The following FHOD3 variants were observed in gnomAD, a reference collection of about 807,000 sequenced individuals.
FHOD3 encodes the protein formin homology 2 domain containing 3.
Under a neutral mutation model 173.0 loss-of-function variants are expected in FHOD3, and 90 were observed. The ratio of observed to expected loss-of-function variants is 0.52; its 90% CI spans 0.44 to 0.62. FHOD3 has a LOEUF of 0.62. Among genes scored for constraint, FHOD3 ranks in the 20% least tolerant of loss-of-function variants. The pLI, the probability that FHOD3 is intolerant of heterozygous loss-of-function variation, is 0.00. For missense variants in FHOD3, 1,945 were observed against 2,034.7 expected (o/e 0.96, Z 0.85); for synonymous variants, 828 against 823.0 (o/e 1.01, Z -0.10).
intron 20 of FHOD3, among the ~76,000 whole-genome samples, chr18:36,735,823 C>G (rs2041602054): frequency 6.6e-6 from 1 of 152,190 alleles, no homozygotes; most frequent in South Asian, 2.1e-4. Context: ...CTGTTTAAAA[C>G]TCACAGGGCA....
intron 28 of FHOD3, among the ~76,000 whole-genome samples, chr18:36,772,831 G>A (rs1363541764): frequency 1.3e-5 from 2 of 152,188 alleles, no homozygotes; most frequent in African/African-American, 4.8e-5. Context: ...CTTACTTCGG[G>A]TGCCCACCCT....
At chr18:36,318,444 C>A (rs9945195) in intron 1 of FHOD3, among the ~76,000 whole-genome samples, 4,508 of 152,220 alleles carry the variant, frequency 0.03, 222 homozygotes, top group African/African-American at 0.1. Context: ...TCCTTCACAT[C>A]CCTTGTAAGT....
At position 36,678,807 on chromosome 18, in the gene FHOD3, TG is replaced by T. The variant is rs2038045005; in HGVS notation, c.1836-2626del. Among the ~76,000 whole-genome samples the T allele has an allele frequency of 2.0e-5, 3 of 152,300 alleles. No homozygotes were observed. The South Asian group carries it at 6.2e-4, about 32-fold the overall frequency. On this transcript the variant is annotated intron_variant, in intron 14 of 28. Transcript: ENST00000590592. ...CATCTTACATTACCCTTACATTTGTTGGGCAAACCCAATGTGATTTTGTTTC... is the reference window on the plus strand; with the variant it reads ...CATCTTACATTACCCTTACATTTGTTGGCAAACCCAATGTGATTTTGTTTC...
intron 4 of FHOD3, among the ~76,000 whole-genome samples, chr18:36,508,663 CAG>C (rs1401736994): frequency 7.6e-6 from 1 of 131,130 alleles, no homozygotes. Flanking sequence ...AAAAAAAAAA[CAG>C]GTGAAAGATG....
chr18:36,520,461 C>G (rs1599489206), intron 5 of FHOD3, among the ~76,000 whole-genome samples: 1 of 152,286 alleles, frequency 6.6e-6, no homozygotes, highest in African/African-American at 2.4e-5. Flanking sequence ...TTTTTACCTA[C>G]AGAAAGGGCA....
chr18:36,568,692 TG>T (rs1407404272), intron 5 of FHOD3, among the ~76,000 whole-genome samples: 1 of 152,170 alleles, frequency 6.6e-6, no homozygotes, highest in Non-Finnish European at 1.5e-5. Context: ...TCAGAACTTG[TG>T]ACTCAAACTG....
intron 9 of FHOD3, among the ~76,000 whole-genome samples, chr18:36,623,144 C>T (rs2033840461): frequency 6.6e-6 from 1 of 152,236 alleles, no homozygotes; most frequent in African/African-American, 2.4e-5. Context: ...GGCCTTCAAA[C>T]TTTCTGGTTA....
At position 36,718,655 on chromosome 18, in the gene FHOD3, G is replaced by T; in HGVS notation, c.3357G>T (p.Val1119=). 6.2e-7 allele frequency: 1 copy of T among 1,614,142 alleles called. No homozygotes were observed. The highest frequency in any genetic ancestry group is 8.5e-7 in the Non-Finnish European group (1 of 1,180,040). ...GGTCAAAACTGGAACCCATTAAGGT[G>T]GACACTTCCAGACTGGAGCACCTGT... ...FLWSKLEPIK[V]DTSRLEHLFE... The change falls in exon 19 of 29, where the codon GTG becomes GTT. Residue 1119 remains valine (V), a synonymous_variant. Transcript: ENST00000590592.
In FHOD3 at chr18:36,746,957, C is replaced by A; in HGVS notation, c.4054C>A (p.Gln1352Lys). 2 of 1,607,010 alleles carry A rather than the reference C, an allele frequency of 1.2e-6. No individual in the cohort carries two copies. The highest frequency in any genetic ancestry group is 2.2e-5 in the South Asian group (2 of 89,662). Residue 1352 changes from glutamine to lysine, a missense_variant, in exon 24 of 29, where the codon CAA becomes AAA. Physicochemically the swap from Gln to Lys is moderately conservative, Grantham distance 53 (BLOSUM62 1). This residue lies in a region of FHOD3 where 354 missense variants were observed against 359.9 expected (regional missense o/e 0.98). Coordinates refer to ENST00000590592, the MANE Select transcript of FHOD3 (RefSeq NM_001281740.3). The stretch of plus-strand genomic sequence containing the variant: ...CTCTGATTTTCAGGTTGACTTTGAT[C>A]AACTTCAGGATAATTTATGTCAGAT... ...ITRSAKVDFD[Q>K]LQDNLCQMER...
intron 1 of FHOD3, among the ~76,000 whole-genome samples, chr18:36,344,146 C>G (rs959673116): frequency 6.6e-6 from 1 of 152,148 alleles, no homozygotes; most frequent in Admixed American, 6.5e-5. Context: ...TTCTAGGAAA[C>G]AGAAACTGAC....
At chr18:36,396,576 GTTCAT>G (rs1174460549) in intron 3 of FHOD3, among the ~76,000 whole-genome samples, 2 of 151,964 alleles carry the variant, frequency 1.3e-5, no homozygotes, top group Non-Finnish European at 2.9e-5. Flanking sequence ...CTTGAGTTCT[GTTCAT>G]TTCATTTCTG....
chr18:36,726,955 G>A (rs1170864258), intron 19 of FHOD3, among the ~76,000 whole-genome samples: 1 of 152,188 alleles, frequency 6.6e-6, no homozygotes, highest in Non-Finnish European at 1.5e-5. Context: ...TTACAGGCTT[G>A]AGCCACTGTG....
At chr18:36,364,387 A>G (rs1005012538) in intron 2 of FHOD3, among the ~76,000 whole-genome samples, 1 of 152,148 alleles carries the variant, frequency 6.6e-6, no homozygotes, top group Non-Finnish European at 1.5e-5. Flanking sequence ...AAGGAAAGGG[A>G]CGAAGGGAGT....
At chr18:36,495,532 AG>A (rs1456344813) in intron 3 of FHOD3, among the ~76,000 whole-genome samples, 1 of 152,196 alleles carries the variant, frequency 6.6e-6, no homozygotes, top group African/African-American at 2.4e-5. Flanking sequence ...TTGCTGGCTT[AG>A]GGTAGTCTAC....
At chr18:36,357,856 C>T (rs1384896602) in intron 2 of FHOD3, among the ~76,000 whole-genome samples, 1 of 152,004 alleles carries the variant, frequency 6.6e-6, no homozygotes, top group African/African-American at 2.4e-5. Context: ...ACCTTGTCCT[C>T]GTTTTTGTTT....
chr18:36,478,783 A>T (rs1484917200), intron 3 of FHOD3, among the ~76,000 whole-genome samples: 4 of 151,912 alleles, frequency 2.6e-5, no homozygotes, highest in Admixed American at 6.6e-5. Context: ...CAGCCAAGTT[A>T]CTCCTGGTAA....
At chr18:36,723,785 G>A (rs894133144) in intron 19 of FHOD3, among the ~76,000 whole-genome samples, 10 of 152,194 alleles carry the variant, frequency 6.6e-5, no homozygotes, top group Non-Finnish European at 1.5e-4. Context: ...ACCTTCTGGG[G>A]TGCATCCTCT....
chr18:36,419,405 C>T (rs544648940), intron 3 of FHOD3, among the ~76,000 whole-genome samples: 1 of 152,044 alleles, frequency 6.6e-6, no homozygotes, highest in African/African-American at 2.4e-5. Context: ...GATGGAGCTC[C>T]CAGTTTAGCT....
At chr18:36,651,096 G>T (rs1236940349) in intron 11 of FHOD3, among the ~76,000 whole-genome samples, 2 of 152,150 alleles carry the variant, frequency 1.3e-5, no homozygotes, top group African/African-American at 4.8e-5. Context: ...TGTTGGGTTG[G>T]TGTCTCTGCT....
Sources: gnomAD v4.1 joint callset for allele counts (sites outside exome capture counted in the v4.1 genomes callset) on GRCh38, gnomAD v4.1.1 for gene constraint, gnomAD v4.1.1 regional missense constraint, MANE v1.5 for transcripts, NCBI Gene and HGNC (gene_info 2026-07-23, HGNC 2026-07-21) for gene names.